Variants in LDLRAD4 observed in about 807,000 individuals in gnomAD.
LDLRAD4 encodes low-density lipoprotein receptor class A domain-containing protein 4.
A neutral mutation model predicts 17.0 loss-of-function variants in LDLRAD4; 5 were observed. The observed-to-expected ratio is 0.29, with a 90% CI of 0.15 to 0.62. The LOEUF (loss-of-function observed/expected upper bound fraction) is 0.62, where lower values mean the gene tolerates loss of function less well. Ranked by LOEUF, LDLRAD4 falls within the 20% of genes least tolerant of loss-of-function variation. The pLI, the probability that LDLRAD4 is intolerant of heterozygous loss-of-function variation, is 0.84. For missense variants in LDLRAD4, 340 were observed against 424.7 expected, an observed-to-expected ratio of 0.80 and a Z score of 1.75; for synonymous variants, 168 against 171.8, an observed-to-expected ratio of 0.98 and a Z score of 0.17.
At chr18:13,532,945 G>A (rs1480199892) in intron 3 of LDLRAD4, among the ~76,000 whole-genome samples, 3 of 152,228 alleles carry the variant, frequency 2.0e-5, no homozygotes, top group African/African-American at 4.8e-5. Context: ...GAGTAGCAAT[G>A]TCGGGTTTTC....
intron 3 of LDLRAD4, among the ~76,000 whole-genome samples, chr18:13,533,385 C>G (rs1396097305): frequency 2.0e-5 from 3 of 152,112 alleles, no homozygotes; most frequent in African/African-American, 7.2e-5. Flanking sequence ...TTGCAATGAG[C>G]AGATCTTTGG....
chr18:13,591,952 T>G lies in LDLRAD4; in HGVS notation c.182-29165T>G, dbSNP rs568816127. ...CTAAGGAAGATTATGTGACATTCAG[T>G]CACGTAATTTACAGACAGGGTGTCG... On this transcript the variant is annotated intron_variant, in intron 3 of 5. Transcript: ENST00000359446. Among the ~76,000 whole-genome samples the G allele has an allele frequency of 1.6e-3, 237 of 152,298 alleles. 1 individual carries two copies. The highest frequency in any genetic ancestry group is 5.6e-3 in the African/African-American group (231 of 41,560).
intron 2 of LDLRAD4, among the ~76,000 whole-genome samples, chr18:13,389,714 C>T (rs1040245999): frequency 3.3e-5 from 5 of 152,034 alleles, no homozygotes; most frequent in Admixed American, 6.6e-5. Flanking sequence ...TGGTGGTCCA[C>T]GTGGCTCCCA....
intron 3 of LDLRAD4, among the ~76,000 whole-genome samples, chr18:13,548,036 A>C (rs1020356624): frequency 3.9e-5 from 6 of 152,192 alleles, no homozygotes; most frequent in African/African-American, 1.4e-4. Context: ...TATAGTTCTC[A>C]TGAGTCCCGA....
chr18:13,406,696 G>A (rs2087787071), intron 2 of LDLRAD4, among the ~76,000 whole-genome samples: 1 of 152,142 alleles, frequency 6.6e-6, no homozygotes, highest in Non-Finnish European at 1.5e-5. Flanking sequence ...TGTTTCCCAC[G>A]GTGCAGGCTG....
chr18:13,506,876 C>A (rs907275615), intron 3 of LDLRAD4, among the ~76,000 whole-genome samples: 1 of 152,226 alleles, frequency 6.6e-6, no homozygotes, highest in East Asian at 1.9e-4. Context: ...GCATGGTGAT[C>A]TGCATGGCAG....
intron 2 of LDLRAD4, among the ~76,000 whole-genome samples, chr18:13,432,684 T>C (rs1182120698): frequency 6.6e-6 from 1 of 152,238 alleles, no homozygotes; most frequent in African/African-American, 2.4e-5. Context: ...TTTTGTGTTT[T>C]ACTCATTATT....
chr18:13,317,945 C>G (rs2081016367), intron 1 of LDLRAD4, among the ~76,000 whole-genome samples: 1 of 152,160 alleles, frequency 6.6e-6, no homozygotes, highest in South Asian at 2.1e-4. Flanking sequence ...TCTATGTCTT[C>G]TTTTAATCTT....
chr18:13,529,128 G>C (rs1407504550), intron 3 of LDLRAD4, among the ~76,000 whole-genome samples: 1 of 152,026 alleles, frequency 6.6e-6, no homozygotes, highest in African/African-American at 2.4e-5. Flanking sequence ...GGAGAACCTG[G>C]TTAAGGAGCT....
At chr18:13,523,570 G>A (rs574239459) in intron 3 of LDLRAD4, among the ~76,000 whole-genome samples, 1 of 152,292 alleles carries the variant, frequency 6.6e-6, no homozygotes, top group East Asian at 1.9e-4. Context: ...CTGAGCTTCT[G>A]GATTGTTGAA....
chr18:13,573,403 C>T lies in LDLRAD4; in HGVS notation c.182-47714C>T, dbSNP rs558021343. Reference sequence around the variant, plus strand: ...TACAGGTACCCATCACCACGCCCCACTAATTTTTGTATTTTTAGTAGAGAT... The same window carrying T: ...TACAGGTACCCATCACCACGCCCCATTAATTTTTGTATTTTTAGTAGAGAT... On this transcript the variant is annotated intron_variant, in intron 3 of 5. Transcript: ENST00000359446. Among the ~76,000 whole-genome samples the T allele has an allele frequency of 4.0e-5, 6 of 150,492 alleles. No individual in the cohort carries two copies. In the East Asian group the frequency reaches 1.2e-3, roughly 29 times the overall value.
chr18:13,274,980 G>T (rs1345258672), upstream of LDLRAD4, among the ~76,000 whole-genome samples: 1 of 151,764 alleles, frequency 6.6e-6, no homozygotes, highest in African/African-American at 2.4e-5. Context: ...AGTGAGCTAT[G>T]ATTGTGCCTG....
In LDLRAD4 at chr18:13,642,683, C is replaced by T. The variant is rs1450995128; in HGVS notation, c.337-676C>T. ...CGGGCCACCTCTGCCAGGGCTTCCT[C>T]AACCCAGCCTGCCCTCATCGGGCGG... On this transcript the variant is annotated intron_variant, in intron 4 of 5. Transcript: ENST00000359446. 3.2e-6 allele frequency: 4 copies of T among 1,231,454 alleles called. No individual in the cohort carries two copies. The Admixed American group carries it at 1.7e-4, about 52-fold the overall frequency. The allele number at this position is 1,231,454 out of a possible 1,614,324, so 76.3% of individuals were successfully genotyped here. A position where few individuals can be genotyped will look rare whatever the true frequency, so the allele number is the denominator to read the frequency against.
chr18:13,351,583 T>A (rs2144402956), intron 1 of LDLRAD4, among the ~76,000 whole-genome samples: 1 of 152,232 alleles, frequency 6.6e-6, no homozygotes, highest in East Asian at 1.9e-4. Context: ...GTTGAATCCC[T>A]GAATAGACCA....
intron 4 of LDLRAD4, among the ~76,000 whole-genome samples, chr18:13,629,371 G>A (rs563123780): frequency 2.0e-5 from 3 of 152,296 alleles, no homozygotes; most frequent in East Asian, 1.9e-4. Flanking sequence ...ACTGACGTCC[G>A]AGTTACAAAC....
chr18:13,306,841 GA>G (rs2146662327), intron 1 of LDLRAD4, among the ~76,000 whole-genome samples: 1 of 152,282 alleles, frequency 6.6e-6, no homozygotes, highest in East Asian at 1.9e-4. Context: ...CGCCAGGGGA[GA>G]GGGGGAAGGA....
At chr18:13,576,726 G>T (rs1320843218) in intron 3 of LDLRAD4, among the ~76,000 whole-genome samples, 1 of 152,190 alleles carries the variant, frequency 6.6e-6, no homozygotes, top group Non-Finnish European at 1.5e-5. Context: ...TGTTGGGTGG[G>T]ACCACAGATA....
chr18:13,355,255 T>C (rs2083271680), intron 1 of LDLRAD4, among the ~76,000 whole-genome samples: 1 of 152,236 alleles, frequency 6.6e-6, no homozygotes, highest in African/African-American at 2.4e-5. Flanking sequence ...ACCCTGACAG[T>C]GCTTATAACT....
At chr18:13,595,509 T>C (rs1353424179) in intron 3 of LDLRAD4, among the ~76,000 whole-genome samples, 5 of 152,112 alleles carry the variant, frequency 3.3e-5, no homozygotes, top group Admixed American at 6.6e-5. Flanking sequence ...CTTTTTTTGT[T>C]TGAGGGTGTT....
Sources: allele counts gnomAD v4.1 joint callset (sites outside exome capture counted in the v4.1 genomes callset), GRCh38; gene constraint gnomAD v4.1.1; transcripts MANE v1.5; gene names NCBI Gene and HGNC (gene_info 2026-07-23, HGNC 2026-07-21).